The following LIN28B variants were observed in gnomAD, a reference collection of about 807,000 sequenced individuals.
LIN28B encodes protein lin-28 homolog B.
LIN28B carries 5 observed loss-of-function variants against 21.9 expected under a neutral mutation model. The observed-to-expected ratio is 0.23, with a 90% confidence interval of 0.12 to 0.48. The LOEUF is 0.48. Ranked by LOEUF, LIN28B falls within the 20% of genes least tolerant of loss-of-function variation. LIN28B has a pLI of 0.98. For synonymous variants in LIN28B, 109 were observed against 111.3 expected (o/e 0.98, Z 0.13); for missense variants, 245 against 310.5 (o/e 0.79, Z 1.58).
At chr6:105,042,942 A>G (rs2114368864) in intron 3 of LIN28B, among the ~76,000 whole-genome samples, 1 of 152,282 alleles carries the variant, frequency 6.6e-6, no homozygotes, top group Admixed American at 6.5e-5. Context: ...TTGTGAGCTG[A>G]CAGTAAGCAA....
intron 2 of LIN28B, among the ~76,000 whole-genome samples, chr6:104,988,389 C>G (rs2114262348): frequency 6.7e-6 from 1 of 150,294 alleles, no homozygotes; most frequent in South Asian, 2.1e-4. Context: ...TGTTGAGAAG[C>G]CTTTCATCTT....
intron 3 of LIN28B, among the ~76,000 whole-genome samples, chr6:105,047,194 A>C (rs62419619): frequency 0.059 from 8,948 of 152,218 alleles, 320 homozygotes; most frequent in Middle Eastern, 0.085. Context: ...TAATTTTTGT[A>C]TAAGGTGTAA....
At chr6:105,018,728 C>G (rs1454784522) in intron 2 of LIN28B, among the ~76,000 whole-genome samples, 1 of 152,016 alleles carries the variant, frequency 6.6e-6, no homozygotes. Context: ...TTTCTTCCTT[C>G]CTCACCTCCC....
At position 105,079,555 on chromosome 6, in the gene LIN28B, A is replaced by G. The variant is rs1183095866; in HGVS notation, c.*772A>G. 6.6e-6 allele frequency: 1 copy of G among 152,638 alleles called. No individual in the cohort carries two copies. Among genetic ancestry groups the G allele is most frequent in the Non-Finnish European group, 1.5e-5 (1 of 68,044 alleles). 9.5% of individuals were successfully genotyped at this position (152,638 alleles called of 1,614,324 possible). A position where few individuals can be genotyped will look rare whatever the true frequency, so the allele number is the denominator to read the frequency against. On this transcript the variant is annotated 3_prime_UTR_variant, in exon 4 of 4. Transcript: ENST00000345080. ...TTTAAATTCTGTGTTTAATTGTAAA[A>G]TTAGATGCCTATTAAGAGAAATGAA...
intron 2 of LIN28B, among the ~76,000 whole-genome samples, chr6:104,974,421 G>A (rs192471697): frequency 4.2e-4 from 63 of 151,094 alleles, no homozygotes; most frequent in African/African-American, 1.5e-3. Flanking sequence ...CCTGGGAGGC[G>A]GAGGTTGCAG....
At position 105,080,864 on chromosome 6, in the gene LIN28B, C is replaced by T. The variant is rs1269954387; in HGVS notation, c.*2081C>T. On this transcript the variant is annotated 3_prime_UTR_variant, in exon 4 of 4. Transcript: ENST00000345080. ...TTGAAAATTCAAACCAAAGTTCCTTCACCTTATGGAAATAGGAAATTATGG... is the reference window on the plus strand; with the variant it reads ...TTGAAAATTCAAACCAAAGTTCCTTTACCTTATGGAAATAGGAAATTATGG... The T allele has an allele frequency of 2.0e-5, 3 of 152,574 alleles. No homozygotes were observed. Among genetic ancestry groups the T allele is most frequent in the Non-Finnish European group, 4.4e-5 (3 of 68,030 alleles). 9.5% of individuals were successfully genotyped at this position (152,574 alleles called of 1,614,324 possible). A position where few individuals can be genotyped will look rare whatever the true frequency, so the allele number is the denominator to read the frequency against.
At chr6:105,069,195 G>T (rs1260106123) in intron 3 of LIN28B, among the ~76,000 whole-genome samples, 1 of 152,134 alleles carries the variant, frequency 6.6e-6, no homozygotes, top group Non-Finnish European at 1.5e-5. Context: ...TCCAGCCTGG[G>T]CAACACAGTG....
intron 2 of LIN28B, among the ~76,000 whole-genome samples, chr6:104,995,772 C>T (rs1025193177): frequency 1.3e-5 from 2 of 151,882 alleles, no homozygotes; most frequent in African/African-American, 4.8e-5. Context: ...TTTTACTCAA[C>T]AGCATGTAAA....
intron 2 of LIN28B, among the ~76,000 whole-genome samples, chr6:105,011,065 C>T (rs779416472): frequency 2.0e-5 from 3 of 152,202 alleles, no homozygotes; most frequent in Non-Finnish European, 4.4e-5. Context: ...GAAGCCGACT[C>T]TCCTTTGTTC....
At chr6:104,955,787 A>T, upstream of LIN28B, among the ~76,000 whole-genome samples, 1 of 152,074 alleles carries the variant, frequency 6.6e-6, no homozygotes, top group Non-Finnish European at 1.5e-5. Flanking sequence ...TGGGGTAGGC[A>T]AGTCTGGTGG....
chr6:104,962,402 T>G (rs548526517), intron 2 of LIN28B, among the ~76,000 whole-genome samples: 2 of 152,200 alleles, frequency 1.3e-5, no homozygotes, highest in South Asian at 4.2e-4. Context: ...ATGGTCTTTA[T>G]TTTTGAATTA....
chr6:105,072,458 A>G (rs1450130414), intron 3 of LIN28B, among the ~76,000 whole-genome samples: 1 of 152,138 alleles, frequency 6.6e-6, no homozygotes, highest in Non-Finnish European at 1.5e-5. Flanking sequence ...GTCCTTCTGT[A>G]TATAGAATAT....
chr6:105,069,708 A>G (rs1450053004), intron 3 of LIN28B, among the ~76,000 whole-genome samples: 4 of 152,086 alleles, frequency 2.6e-5, no homozygotes, highest in Non-Finnish European at 4.4e-5. Context: ...AAAAAGCTGT[A>G]AGTTATCATC....
intron 2 of LIN28B, among the ~76,000 whole-genome samples, chr6:104,972,855 A>T (rs1426104676): frequency 6.6e-6 from 1 of 152,172 alleles, no homozygotes; most frequent in Non-Finnish European, 1.5e-5. Flanking sequence ...TCATGCCTGT[A>T]ATCCCAGCAC....
chr6:105,006,848 T>C lies in LIN28B; in HGVS notation c.199-19450T>C, dbSNP rs555017139. Among the ~76,000 whole-genome samples, 5 of 152,304 alleles carry C rather than the reference T, an allele frequency of 3.3e-5. No homozygotes were observed. The East Asian group carries it at 9.7e-4, about 29-fold the overall frequency. On this transcript the variant is annotated intron_variant, in intron 2 of 3. Transcript: ENST00000345080. The stretch of plus-strand genomic sequence containing the variant: ...CTTACAGTTTCTTCCCAAAAGTACC[T>C]AAGCTATTTTTACTCACATTTCATT...
intron 2 of LIN28B, among the ~76,000 whole-genome samples, chr6:104,942,372 C>T (rs1778106868): frequency 1.3e-5 from 2 of 151,868 alleles, no homozygotes; most frequent in Admixed American, 6.6e-5. Flanking sequence ...TGCAAAAGTG[C>T]TTTTTTAAAA....
intron 2 of LIN28B, among the ~76,000 whole-genome samples, chr6:104,977,053 G>A (rs1214294578): frequency 1.3e-5 from 2 of 151,320 alleles, no homozygotes; most frequent in African/African-American, 2.4e-5. Context: ...TTTTGAGGCA[G>A]GGTCTTGCTC....
intron 2 of LIN28B, among the ~76,000 whole-genome samples, chr6:104,971,949 TG>T (rs1337977508): frequency 6.6e-6 from 1 of 152,090 alleles, no homozygotes; most frequent in East Asian, 1.9e-4. Flanking sequence ...TGAAATTATT[TG>T]TATCCTAGTA....
chr6:104,988,528 ATTGAT>A (rs1465851998), intron 2 of LIN28B, among the ~76,000 whole-genome samples: 4 of 143,290 alleles, frequency 2.8e-5, no homozygotes, highest in Non-Finnish European at 6.1e-5. Flanking sequence ...GTTTTAAACT[ATTGAT>A]TTGATTTTTA....
Sources: gnomAD v4.1 joint callset for allele counts (sites outside exome capture counted in the v4.1 genomes callset) on GRCh38, gnomAD v4.1.1 for gene constraint, MANE v1.5 for transcripts, NCBI Gene and HGNC (gene_info 2026-07-23, HGNC 2026-07-21) for gene names.